ZNF804A: variants seen among roughly 807,000 people sequenced by gnomAD.
ZNF804A encodes zinc finger protein 804A.
A neutral mutation model predicts 16.5 loss-of-function variants in ZNF804A; 2 were observed. That is an observed-to-expected ratio of 0.12 (90% CI 0.05 to 0.38). The LOEUF (loss-of-function observed/expected upper bound fraction) is 0.38. Ranked by LOEUF, ZNF804A falls within the 10% of genes least tolerant of loss-of-function variation. ZNF804A has a pLI of 0.99. For synonymous variants in ZNF804A, 534 were observed against 489.6 expected (o/e 1.09, Z -1.20); for missense variants, 1,473 against 1,390.7 (o/e 1.06, Z -0.94).
chr2:184,841,815 C>T (rs1167924845), intron 1 of ZNF804A, among the ~76,000 whole-genome samples: 2 of 151,950 alleles, frequency 1.3e-5, no homozygotes, highest in South Asian at 2.1e-4. Flanking sequence ...ACTATTTACT[C>T]TTCTTGAGAG....
At chr2:184,808,894 C>T (rs1005799801) in intron 1 of ZNF804A, among the ~76,000 whole-genome samples, 5 of 151,642 alleles carry the variant, frequency 3.3e-5, no homozygotes, top group Admixed American at 1.3e-4. Flanking sequence ...CCATTGTAGA[C>T]GTATCTTTCT....
At position 184,633,540 on chromosome 2, in the gene ZNF804A, G is replaced by A. The variant is rs184270256; in HGVS notation, c.111+34470G>A. Among the ~76,000 whole-genome samples, 7 of 152,212 alleles carry A rather than the reference G, an allele frequency of 4.6e-5. No individual in the cohort carries two copies. The East Asian group carries it at 9.7e-4, about 21-fold the overall frequency. ...TAGTTAATGACTTAGTGACTTGAAC[G>A]GAGGTAAGTAGCTCCAAATGTTGAT... On this transcript the variant is annotated intron_variant, in intron 1 of 3. Coordinates refer to ENST00000302277, the MANE Select transcript of ZNF804A (RefSeq NM_194250.2).
chr2:184,808,413 A>G (rs984465654), intron 1 of ZNF804A, among the ~76,000 whole-genome samples: 4 of 151,658 alleles, frequency 2.6e-5, no homozygotes, highest in Admixed American at 2.6e-4. Flanking sequence ...TTTTGGCAGA[A>G]GTGATGTAAA....
At chr2:184,859,883 T>G (rs2105808093) in intron 1 of ZNF804A, among the ~76,000 whole-genome samples, 1 of 152,330 alleles carries the variant, frequency 6.6e-6, no homozygotes, top group South Asian at 2.1e-4. Context: ...ATGGCTTTCC[T>G]AAGCCTGTGT....
intron 1 of ZNF804A, among the ~76,000 whole-genome samples, chr2:184,780,853 T>A (rs890742891): frequency 6.6e-6 from 1 of 151,796 alleles, no homozygotes; most frequent in Non-Finnish European, 1.5e-5. Context: ...GGCTCTGTCC[T>A]TAACTTCAGC....
chr2:184,939,062 A>G lies in ZNF804A; in HGVS notation c.*36A>G. 1.3e-6 allele frequency: 2 copies of G among 1,597,756 alleles called. No homozygotes were observed. The highest frequency in any genetic ancestry group is 1.7e-6 in the Non-Finnish European group (2 of 1,170,090). On this transcript the variant is annotated 3_prime_UTR_variant, in exon 4 of 4. Coordinates refer to ENST00000302277, the MANE Select transcript of ZNF804A (RefSeq NM_194250.2). ...AATGGGAAAAAAATACTCTTGTGAA[A>G]ACTATTGCTATATGCGTTAAGTGTT...
chr2:184,855,218 A>G (rs1282849227), intron 1 of ZNF804A, among the ~76,000 whole-genome samples: 3 of 152,226 alleles, frequency 2.0e-5, no homozygotes, highest in East Asian at 1.9e-4. Flanking sequence ...GTAGGCATGC[A>G]TAAGTGTAAA....
intron 2 of ZNF804A, among the ~76,000 whole-genome samples, chr2:184,882,290 C>G (rs1574254990): frequency 6.6e-6 from 1 of 151,870 alleles, no homozygotes; most frequent in East Asian, 1.9e-4. Context: ...ACGGGAGCAC[C>G]CAGATTCATA....
Position 184,638,977 on chromosome 2 carries a change from C to A in ZNF804A, c.111+39907C>A, listed in dbSNP as rs918035235. Among the ~76,000 whole-genome samples the A allele has an allele frequency of 3.3e-5, 5 of 150,798 alleles. No individual in the cohort carries two copies. The East Asian group carries it at 7.9e-4, about 24-fold the overall frequency. ...TTATACTATTTAAGTTGTTTCTCAT[C>A]AAATCACACTCTTACAAGCTTGAGT... On this transcript the variant is annotated intron_variant, in intron 1 of 3. Coordinates refer to ENST00000302277, the MANE Select transcript of ZNF804A (RefSeq NM_194250.2).
At chr2:184,877,571 G>T (rs1684729085) in intron 2 of ZNF804A, among the ~76,000 whole-genome samples, 1 of 151,778 alleles carries the variant, frequency 6.6e-6, no homozygotes, top group African/African-American at 2.4e-5. Flanking sequence ...AGGATTTTTT[G>T]CTCTCTGTGG....
intron 1 of ZNF804A, among the ~76,000 whole-genome samples, chr2:184,601,681 A>C (rs1248739133): frequency 6.6e-6 from 1 of 151,922 alleles, no homozygotes; most frequent in South Asian, 2.1e-4. Flanking sequence ...GCCATTAAAA[A>C]TCATCACATT....
At chr2:184,666,057 T>C (rs776013532) in intron 1 of ZNF804A, among the ~76,000 whole-genome samples, 1 of 152,158 alleles carries the variant, frequency 6.6e-6, no homozygotes, top group Non-Finnish European at 1.5e-5. Context: ...ACTGTGGCTA[T>C]AACACCACAA....
intron 1 of ZNF804A, among the ~76,000 whole-genome samples, chr2:184,791,466 AG>A (rs1237170081): frequency 1.3e-5 from 2 of 152,320 alleles, no homozygotes; most frequent in Admixed American, 6.5e-5. Flanking sequence ...TTTTCTTAAA[AG>A]AGGCTAATAA....
At position 184,783,138 on chromosome 2, in the gene ZNF804A, GTTTTTTTTTT is replaced by G. The variant is rs57207733; in HGVS notation, c.112-83215_112-83206del. On this transcript the variant is annotated intron_variant, in intron 1 of 3. Coordinates refer to ENST00000302277, the MANE Select transcript of ZNF804A (RefSeq NM_194250.2). ...AAAAAAGAATTATATAAAAGAGTGA[GTTTTTTTTTT>G]TTTTTTTTTTTTTTTAGGTAATACA... is the stretch of plus-strand genomic sequence containing the variant. Among the ~76,000 whole-genome samples the G allele has an allele frequency of 2.6e-4, 22 of 86,120 alleles. No homozygotes were observed. In the Admixed American group the frequency reaches 3.5e-3, roughly 14 times the overall value. 56.5% of individuals were successfully genotyped at this position (86,120 alleles called of 152,430 possible).
At chr2:184,685,048 C>T (rs1420170296) in intron 1 of ZNF804A, among the ~76,000 whole-genome samples, 1 of 152,114 alleles carries the variant, frequency 6.6e-6, no homozygotes, top group Non-Finnish European at 1.5e-5. Context: ...GGATCCTACA[C>T]CTGCCAAGAT....
chr2:184,603,148 G>T (rs1045355370), intron 1 of ZNF804A, among the ~76,000 whole-genome samples: 1 of 151,986 alleles, frequency 6.6e-6, no homozygotes, highest in Non-Finnish European at 1.5e-5. Flanking sequence ...TTTACTAATC[G>T]GTTCACAAAA....
chr2:184,779,207 T>C (rs977463552), intron 1 of ZNF804A, among the ~76,000 whole-genome samples: 1 of 151,722 alleles, frequency 6.6e-6, no homozygotes, highest in African/African-American at 2.4e-5. Context: ...TTTCCAGGTG[T>C]AGGCATGACA....
At chr2:184,773,936 T>C (rs1694253156) in intron 1 of ZNF804A, among the ~76,000 whole-genome samples, 1 of 152,082 alleles carries the variant, frequency 6.6e-6, no homozygotes, top group Non-Finnish European at 1.5e-5. Context: ...GACAAAATGG[T>C]AGAATTTAGG....
At chr2:184,828,527 A>G (rs1695208709) in intron 1 of ZNF804A, among the ~76,000 whole-genome samples, 1 of 151,788 alleles carries the variant, frequency 6.6e-6, no homozygotes, top group Non-Finnish European at 1.5e-5. Flanking sequence ...TTCATTAAAA[A>G]AAAAGATTAT....
Sources: allele counts gnomAD v4.1 joint callset (sites outside exome capture counted in the v4.1 genomes callset), GRCh38; gene constraint gnomAD v4.1.1; transcripts MANE v1.5; gene names NCBI Gene and HGNC (gene_info 2026-07-23, HGNC 2026-07-21).